Variants in RBFOX1 observed in about 807,000 individuals in gnomAD.
RBFOX1 encodes RNA binding fox-1 homolog 1, also known as RNA binding protein fox-1 homolog 1.
Under a neutral mutation model 57.7 loss-of-function variants are expected in RBFOX1, and 8 were observed. That is an observed-to-expected ratio of 0.14 (90% confidence interval 0.08 to 0.25). The LOEUF (loss-of-function observed/expected upper bound fraction) is 0.25, where lower values mean the gene tolerates loss of function less well. Among genes scored for constraint, RBFOX1 ranks in the 10% least tolerant of loss-of-function variants. RBFOX1 has a pLI of 1.00. For missense variants in RBFOX1, 611 were observed against 548.5 expected (o/e 1.11, Z -1.14); for synonymous variants, 326 against 222.4 (o/e 1.47, Z -4.15).
chr16:7,149,447 C>A (rs189900783), intron 4 of RBFOX1, among the ~76,000 whole-genome samples: 1 of 151,252 alleles, frequency 6.6e-6, no homozygotes, highest in Non-Finnish European at 1.5e-5. Flanking sequence ...TTGGTGCAAG[C>A]TTCCTGTGGC....
intron 4 of RBFOX1, among the ~76,000 whole-genome samples, chr16:7,197,748 A>C (rs1359260628): frequency 2.0e-5 from 3 of 152,164 alleles, no homozygotes; most frequent in Non-Finnish European, 4.4e-5. Context: ...TCAACAGTAA[A>C]AATAAGTGGA....
At chr16:6,465,272 T>C (rs1248403861) in intron 2 of RBFOX1, among the ~76,000 whole-genome samples, 1 of 152,144 alleles carries the variant, frequency 6.6e-6, no homozygotes, top group Non-Finnish European at 1.5e-5. Flanking sequence ...GTTGTTGTTA[T>C]TGTTGTTAAT....
intron 1 of RBFOX1, among the ~76,000 whole-genome samples, chr16:6,149,014 G>A (rs1007288972): frequency 6.6e-6 from 1 of 152,128 alleles, no homozygotes; most frequent in African/African-American, 2.4e-5. Context: ...CCATCTCATC[G>A]AGGCCCCAAA....
intron 3 of RBFOX1, among the ~76,000 whole-genome samples, chr16:6,945,492 A>G (rs1347075078): frequency 6.6e-6 from 1 of 151,602 alleles, no homozygotes; most frequent in Admixed American, 6.6e-5. Context: ...GTAAAATGGG[A>G]AATCTAATTC....
chr16:6,975,737 A>G (rs1457869177), intron 3 of RBFOX1, among the ~76,000 whole-genome samples: 1 of 152,322 alleles, frequency 6.6e-6, no homozygotes, highest in East Asian at 1.9e-4. Flanking sequence ...TCATAGGCTG[A>G]AAGTTTTCTA....
At chr16:5,750,844 T>C (rs1029603326) in intron 3 of RBFOX1, among the ~76,000 whole-genome samples, 1 of 152,228 alleles carries the variant, frequency 6.6e-6, no homozygotes, top group Non-Finnish European at 1.5e-5. Flanking sequence ...CTGCTTCGGC[T>C]CACGCATGGT....
At chr16:5,529,215 C>T (rs1025643217) in intron 2 of RBFOX1, among the ~76,000 whole-genome samples, 5 of 152,076 alleles carry the variant, frequency 3.3e-5, no homozygotes, top group African/African-American at 7.2e-5. Context: ...TATTTACCTG[C>T]CTGAGGGTGC....
intron 3 of RBFOX1, among the ~76,000 whole-genome samples, chr16:5,732,399 G>A (rs1341590543): frequency 6.6e-6 from 1 of 152,186 alleles, no homozygotes; most frequent in Admixed American, 6.5e-5. Flanking sequence ...AAGCAACTCA[G>A]GAGCAAGAAA....
intron 2 of RBFOX1, among the ~76,000 whole-genome samples, chr16:6,581,346 T>C (rs943348450): frequency 2.4e-4 from 37 of 152,206 alleles, no homozygotes; most frequent in African/African-American, 7.7e-4. Context: ...TGCCTTCCTC[T>C]TTGTTGGAGA....
chr16:7,248,534 A>T (rs1364228201), intron 4 of RBFOX1, among the ~76,000 whole-genome samples: 1 of 152,332 alleles, frequency 6.6e-6, no homozygotes, highest in Admixed American at 6.5e-5. Flanking sequence ...AATTTCACCC[A>T]TCACAGATGG....
In RBFOX1 at chr16:5,992,401, C is replaced by A. The variant is rs1419823256; in HGVS notation, c.351+125066C>A. Among the ~76,000 whole-genome samples, 2 of 152,156 alleles carry A rather than the reference C, an allele frequency of 1.3e-5. 1 individual carries two copies. The highest frequency in any genetic ancestry group is 2.9e-5 in the Non-Finnish European group (2 of 68,042). On this transcript the variant is annotated intron_variant, in intron 4 of 19. Transcript: ENST00000641259. Reference sequence around the variant, plus strand: ...TCATTAAAGCGAGACCAATGGGTAACCCTTTCTTAGCCATCACTCAGTACT... The same window carrying A: ...TCATTAAAGCGAGACCAATGGGTAAACCTTTCTTAGCCATCACTCAGTACT...
At chr16:7,378,319 T>C (rs1302512896) in intron 4 of RBFOX1, among the ~76,000 whole-genome samples, 1 of 152,176 alleles carries the variant, frequency 6.6e-6, no homozygotes, top group Admixed American at 6.5e-5. Flanking sequence ...GAAGCTTCTA[T>C]CTTTCAGGGT....
chr16:7,362,176 AGT>A (rs57675211), intron 4 of RBFOX1, among the ~76,000 whole-genome samples: 32,135 of 150,138 alleles, frequency 0.21, 3,660 homozygotes, highest in African/African-American at 0.31. Flanking sequence ...TATGCTTGCT[AGT>A]GTGTGTGTGT....
intron 2 of RBFOX1, among the ~76,000 whole-genome samples, chr16:6,485,969 G>C (rs1334125592): frequency 1.3e-5 from 2 of 149,052 alleles, no homozygotes; most frequent in African/African-American, 4.9e-5. Flanking sequence ...TTTTTTGTAT[G>C]ATATTGTGTT....
At chr16:6,202,324 C>G (rs996568400) in intron 1 of RBFOX1, among the ~76,000 whole-genome samples, 2 of 152,184 alleles carry the variant, frequency 1.3e-5, no homozygotes, top group Non-Finnish European at 2.9e-5. Context: ...CCTGATTGCT[C>G]TGAGAGATTT....
At position 6,181,067 on chromosome 16, in the gene RBFOX1, A is replaced by G. The variant is rs189857890; in HGVS notation, c.-126-135928A>G. Among the ~76,000 whole-genome samples the G allele has an allele frequency of 3.6e-4, 55 of 152,242 alleles. No homozygotes were observed. The East Asian group carries it at 5.8e-3, about 16-fold the overall frequency. On this transcript the variant is annotated intron_variant, in intron 1 of 15. Coordinates refer to ENST00000550418, the MANE Select transcript of RBFOX1 (RefSeq NM_018723.4). ...AAATCTTTCCAAGTATTTAGACTCT[A>G]CTGGTTCCTTTGGTATCACCTCTGC...
At chr16:6,614,550 T>G (rs1227498622) in intron 2 of RBFOX1, among the ~76,000 whole-genome samples, 1 of 152,174 alleles carries the variant, frequency 6.6e-6, no homozygotes, top group African/African-American at 2.4e-5. Flanking sequence ...CTGGACGACT[T>G]AGAACATCAG....
chr16:6,061,573 T>C (rs2095686911), intron 1 of RBFOX1, among the ~76,000 whole-genome samples: 1 of 151,624 alleles, frequency 6.6e-6, no homozygotes, highest in Non-Finnish European at 1.5e-5. Context: ...CTATACACTA[T>C]AGTATATGTG....
At chr16:6,964,262 A>AC (rs370338263) in intron 3 of RBFOX1, among the ~76,000 whole-genome samples, 9 of 151,856 alleles carry the variant, frequency 5.9e-5, no homozygotes, top group East Asian at 1.9e-4. Flanking sequence ...CAAGTGATGC[A>AC]CCCCCCTCGA....
Sources: gnomAD v4.1 joint callset for allele counts (sites outside exome capture counted in the v4.1 genomes callset) on GRCh38, gnomAD v4.1.1 for gene constraint, MANE v1.5 for transcripts, NCBI Gene and HGNC (gene_info 2026-07-23, HGNC 2026-07-21) for gene names.